Variants in RASSF8 observed in about 807,000 individuals in gnomAD.
The protein encoded by RASSF8 is ras association domain-containing protein 8.
In RASSF8, 22 loss-of-function variants were observed where a neutral mutation model predicts 48.5. The ratio of observed to expected loss-of-function variants is 0.45; its 90% CI spans 0.32 to 0.65. The LOEUF is 0.65. Ranked by LOEUF, RASSF8 falls within the 30% of genes least tolerant of loss-of-function variation. The pLI is 0.03. For missense variants in RASSF8, 418 were observed against 489.2 expected, an observed-to-expected ratio of 0.85 and a Z score of 1.37; for synonymous variants, 127 against 171.5, an observed-to-expected ratio of 0.74 and a Z score of 2.03.
At chr12:26,058,894 C>T (rs1163484710) in intron 3 of RASSF8, among the ~76,000 whole-genome samples, 1 of 152,124 alleles carries the variant, frequency 6.6e-6, no homozygotes, top group Non-Finnish European at 1.5e-5. Flanking sequence ...AAAAGTGAAA[C>T]CTTAGTTGAA....
At chr12:26,054,893 T>G (rs1434982985) in intron 2 of RASSF8, among the ~76,000 whole-genome samples, 1 of 152,136 alleles carries the variant, frequency 6.6e-6, no homozygotes, top group Non-Finnish European at 1.5e-5. Context: ...TTTTCTTTAG[T>G]TTTGCCTCAG....
chr12:25,998,583 A>G (rs1942185875), intron 2 of RASSF8, among the ~76,000 whole-genome samples: 1 of 151,980 alleles, frequency 6.6e-6, no homozygotes. Context: ...TCTTGACCTC[A>G]TGTTCCGCCC....
chr12:26,066,040 G>A lies in RASSF8; in HGVS notation c.993+653G>A, dbSNP rs554143301. The stretch of plus-strand genomic sequence containing the variant: ...TCAAACAGTCTGTATCAGATGGGAC[G>A]AGAAAGAGACACAATTGATTACAAT... On this transcript the variant is annotated intron_variant, in intron 4 of 5. Coordinates refer to ENST00000689635, the MANE Select transcript of RASSF8 (RefSeq NM_001394098.1). Among the ~76,000 whole-genome samples the A allele has an allele frequency of 5.3e-5, 8 of 152,204 alleles. No individual in the cohort carries two copies. In the South Asian group the frequency reaches 6.2e-4, roughly 12 times the overall value.
In RASSF8 at chr12:25,983,611, G is replaced by A. The variant is rs145985031; in HGVS notation, c.-202-11426G>A. 7.6e-3 allele frequency among the ~76,000 whole-genome samples: 1,159 copies of A among 152,098 alleles called. 9 individuals are homozygous for A. Among genetic ancestry groups the A allele is most frequent in the South Asian group, 0.014 (66 of 4,804 alleles). ...TACGACCATAGTTTCGAAGGAAACTGATTTTAATAAAATTGAATATGTGTA... is the reference window on the plus strand; with the variant it reads ...TACGACCATAGTTTCGAAGGAAACTAATTTTAATAAAATTGAATATGTGTA... On this transcript the variant is annotated intron_variant, in intron 1 of 5. Coordinates refer to ENST00000689635, the MANE Select transcript of RASSF8 (RefSeq NM_001394098.1).
At chr12:26,074,735 C>A (rs1944056901), downstream of RASSF8, among the ~76,000 whole-genome samples, 1 of 151,990 alleles carries the variant, frequency 6.6e-6, no homozygotes, top group Non-Finnish European at 1.5e-5. Context: ...GAGACAAACA[C>A]ATTAGGAGAT....
At chr12:26,048,776 G>A (rs556861999) in intron 2 of RASSF8, among the ~76,000 whole-genome samples, 3 of 150,998 alleles carry the variant, frequency 2.0e-5, no homozygotes, top group Non-Finnish European at 3.0e-5. Context: ...TTTTTCAGAC[G>A]GAGTTTCACT....
At chr12:26,005,480 C>T (rs572430095) in intron 2 of RASSF8, among the ~76,000 whole-genome samples, 6 of 152,180 alleles carry the variant, frequency 3.9e-5, no homozygotes, top group African/African-American at 1.4e-4. Flanking sequence ...ATATTGAGAC[C>T]GTGCCTATAT....
At chr12:26,035,049 C>T (rs1445019423) in intron 2 of RASSF8, among the ~76,000 whole-genome samples, 4 of 152,056 alleles carry the variant, frequency 2.6e-5, no homozygotes, top group East Asian at 1.9e-4. Context: ...CTTTAATAGA[C>T]GTTTTTCCAG....
Position 26,064,716 on chromosome 12 carries a change from C to T in RASSF8, c.322C>T (p.Pro108Ser), listed in dbSNP as rs769991944. ...ERTLYRQSLP[P>S]LAKLRPQIDK... ...AACTTTATACAGGCAGAGTCTGCCC[C>T]CCTTAGCTAAACTGAGGCCTCAGAT... is the stretch of plus-strand genomic sequence containing the variant. Residue 108 changes from proline to serine, a missense_variant, in exon 4 of 6, where the codon CCC becomes TCC. Pro to Ser is a moderately conservative substitution (Grantham distance 74, BLOSUM62 -1). Coordinates refer to ENST00000689635, the MANE Select transcript of RASSF8 (RefSeq NM_001394098.1). 3 of 1,614,008 alleles carry T rather than the reference C, an allele frequency of 1.9e-6. No individual in the cohort carries two copies. The highest frequency in any genetic ancestry group is 2.5e-6 in the Non-Finnish European group (3 of 1,180,024).
At chr12:26,045,467 C>T (rs7486150) in intron 2 of RASSF8, among the ~76,000 whole-genome samples, 14,806 of 152,170 alleles carry the variant, frequency 0.097, 758 homozygotes, top group Middle Eastern at 0.15. Flanking sequence ...ACCGTTTCCT[C>T]ACAAAATTAT....
In RASSF8 at chr12:26,064,844, G is replaced by T. The variant is rs745447591; in HGVS notation, c.450G>T (p.Glu150Asp). ...MDIFGKGKET[E>D]FKQKVLNNCK... ...TTTTTGGAAAAGGTAAAGAAACTGA[G>T]TTTAAGCAAAAGGTGCTGAATAACT... The change falls in exon 4 of 6, where the codon GAG (glutamate) becomes GAT (aspartate). Residue 150 changes from glutamate to aspartate, a missense_variant. Transcript: ENST00000689635. 2 of 1,614,178 alleles carry T rather than the reference G, an allele frequency of 1.2e-6. No individual in the cohort carries two copies. The highest frequency in any genetic ancestry group is 1.7e-6 in the Non-Finnish European group (2 of 1,180,032).
intron 1 of RASSF8, among the ~76,000 whole-genome samples, chr12:25,991,210 A>AGCCT (rs1300252065): frequency 6.6e-6 from 1 of 151,938 alleles, no homozygotes; most frequent in East Asian, 1.9e-4. Flanking sequence ...AAAAAGGTAG[A>AGCCT]GCCTCTTGGA....
intron 3 of RASSF8, among the ~76,000 whole-genome samples, chr12:26,059,983 C>T (rs571332634): frequency 2.9e-4 from 44 of 152,264 alleles, no homozygotes; most frequent in African/African-American, 9.6e-4. Flanking sequence ...CTGCAAGCTC[C>T]GCCTCCCAGG....
rs150361933 is a variant in RASSF8 at position 26,028,689 on chromosome 12, T to C, written c.-108-26547T>C. The stretch of plus-strand genomic sequence containing the variant: ...TTTTGGTTGTCAGCTCCTTCTTGTA[T>C]TATATGTAAGGAGGGGTGAATGAGG... On this transcript the variant is annotated intron_variant, in intron 2 of 5. Transcript: ENST00000689635. 2.5e-3 allele frequency among the ~76,000 whole-genome samples: 374 copies of C among 152,318 alleles called. 2 individuals are homozygous for C. Among genetic ancestry groups the C allele is most frequent in the African/African-American group, 8.5e-3 (352 of 41,576 alleles).
intron 2 of RASSF8, among the ~76,000 whole-genome samples, chr12:26,028,489 T>C (rs574262246): frequency 2.3e-4 from 35 of 152,350 alleles, no homozygotes; most frequent in Admixed American, 1.4e-3. Flanking sequence ...TACTGTGCTT[T>C]GGAAGGTTGT....
At chr12:26,008,270 A>C (rs1203585974) in intron 2 of RASSF8, among the ~76,000 whole-genome samples, 1 of 118,660 alleles carries the variant, frequency 8.4e-6, no homozygotes, top group African/African-American at 3.4e-5. Flanking sequence ...GACTCCGTTT[A>C]AAAAAAAAAA....
Position 26,069,394 on chromosome 12 carries a change from A to C in RASSF8, c.*576A>C, listed in dbSNP as rs1483994699. ...TGCATTTGTTTTGTGAAACTGTCCT[A>C]GCCATTGCTTAATTAGGTGAAATAA... is the stretch of plus-strand genomic sequence containing the variant. On this transcript the variant is annotated 3_prime_UTR_variant, in exon 6 of 6. Coordinates refer to ENST00000689635, the MANE Select transcript of RASSF8 (RefSeq NM_001394098.1). The C allele has an allele frequency of 1.0e-6, 1 of 984,978 alleles. No individual in the cohort carries two copies. The highest frequency in any genetic ancestry group is 1.2e-6 in the Non-Finnish European group (1 of 829,636). The allele number at this position is 984,978 out of a possible 1,614,324, so 61.0% of individuals were successfully genotyped here.
chr12:25,963,236 G>A (rs1430918478), intron 1 of RASSF8, among the ~76,000 whole-genome samples: 1 of 150,066 alleles, frequency 6.7e-6, no homozygotes, highest in African/African-American at 2.5e-5. Flanking sequence ...AGAGAGAGGA[G>A]GAGTTTTTTT....
intron 3 of RASSF8, among the ~76,000 whole-genome samples, chr12:26,056,837 G>A (rs149519925): frequency 1.3e-5 from 2 of 152,060 alleles, no homozygotes; most frequent in African/African-American, 4.8e-5. Context: ...GAAAATTAAG[G>A]CATTTAATTT....
Sources: allele counts gnomAD v4.1 joint callset (sites outside exome capture counted in the v4.1 genomes callset), GRCh38; gene constraint gnomAD v4.1.1; transcripts MANE v1.5; gene names NCBI Gene and HGNC (gene_info 2026-07-23, HGNC 2026-07-21).